UNC5D: variants seen among roughly 807,000 people sequenced by gnomAD.
The protein encoded by UNC5D is netrin receptor UNC5D.
UNC5D carries 39 observed loss-of-function variants against 105.4 expected under a neutral mutation model. That is an observed-to-expected ratio of 0.37 (90% CI 0.29 to 0.48). The LOEUF is 0.48. UNC5D is among the 20% of genes least tolerant of loss of function. The pLI is 0.98. For missense variants in UNC5D, 991 were observed against 1,202.4 expected, an observed-to-expected ratio of 0.82 and a Z score of 2.60; for synonymous variants, 452 against 450.4, an observed-to-expected ratio of 1.00 and a Z score of -0.04.
chr8:35,460,658 A>G (rs1403016223), intron 1 of UNC5D, among the ~76,000 whole-genome samples: 1 of 152,258 alleles, frequency 6.6e-6, no homozygotes, highest in African/African-American at 2.4e-5. Context: ...TTAGAGCATG[A>G]TGCAGAGTTC....
At chr8:35,625,326 T>C (rs1821643274) in intron 4 of UNC5D, among the ~76,000 whole-genome samples, 1 of 152,236 alleles carries the variant, frequency 6.6e-6, no homozygotes, top group African/African-American at 2.4e-5. Flanking sequence ...CTCGATGTTC[T>C]GGTGGATATC....
intron 4 of UNC5D, among the ~76,000 whole-genome samples, chr8:35,669,471 TAAATC>T (rs1824633199): frequency 6.6e-6 from 1 of 152,142 alleles, no homozygotes; most frequent in African/African-American, 2.4e-5. Flanking sequence ...CCCGTCTCCT[TAAATC>T]TAATAGCAAG....
At chr8:35,474,558 C>G in intron 1 of UNC5D, among the ~76,000 whole-genome samples, 1 of 152,120 alleles carries the variant, frequency 6.6e-6, no homozygotes, top group East Asian at 1.9e-4. Flanking sequence ...ATTCCATAAA[C>G]TTCTCTATTT....
rs1419675135 is a variant in UNC5D at position 35,528,049 on chromosome 8, T to TG, written c.104-21243_104-21242insG. Among the ~76,000 whole-genome samples, 4 of 139,858 alleles carry TG rather than the reference T, an allele frequency of 2.9e-5. No individual in the cohort carries two copies. The East Asian group carries it at 7.8e-4, about 27-fold the overall frequency. 91.8% of individuals were successfully genotyped at this position (139,858 alleles called of 152,430 possible). On this transcript the variant is annotated intron_variant, in intron 1 of 16. Transcript: ENST00000404895. ...TTCTAGAAACAGCTGGTTTTTTTTTTTTTTTTTTTTTTATACTTTAAGTTT... is the reference window on the plus strand; with the variant it reads ...TTCTAGAAACAGCTGGTTTTTTTTTTGTTTTTTTTTTTTATACTTTAAGTTT...
At chr8:35,486,786 A>G (rs1208868132) in intron 1 of UNC5D, among the ~76,000 whole-genome samples, 1 of 152,194 alleles carries the variant, frequency 6.6e-6, no homozygotes, top group Non-Finnish European at 1.5e-5. Flanking sequence ...CCTAAGGAAA[A>G]GTTATTTGGA....
intron 2 of UNC5D, among the ~76,000 whole-genome samples, chr8:35,550,926 C>T (rs578218307): frequency 2.6e-5 from 4 of 152,224 alleles, no homozygotes; most frequent in African/African-American, 7.2e-5. Flanking sequence ...TTCAGCAAAA[C>T]GTTTGGTTTT....
intron 4 of UNC5D, among the ~76,000 whole-genome samples, chr8:35,638,141 A>G (rs1355683444): frequency 1.3e-5 from 2 of 152,196 alleles, no homozygotes; most frequent in Non-Finnish European, 2.9e-5. Flanking sequence ...AAAATTCACA[A>G]TAGTGAAAGA....
chr8:35,268,415 C>A (rs1330678525), intron 1 of UNC5D, among the ~76,000 whole-genome samples: 1 of 152,126 alleles, frequency 6.6e-6, no homozygotes, highest in African/African-American at 2.4e-5. Flanking sequence ...AAAGCCATTA[C>A]AACCTAGTAC....
chr8:35,299,234 A>C (rs1563291814), intron 1 of UNC5D, among the ~76,000 whole-genome samples: 1 of 152,194 alleles, frequency 6.6e-6, no homozygotes, highest in East Asian at 1.9e-4. Flanking sequence ...GTGGAATTGC[A>C]AGCAAAGCAA....
intron 1 of UNC5D, among the ~76,000 whole-genome samples, chr8:35,333,479 G>A (rs1810787630): frequency 6.6e-6 from 1 of 151,998 alleles, no homozygotes; most frequent in African/African-American, 2.4e-5. Context: ...AGGTTTCTCG[G>A]AAGTAGGAGA....
chr8:35,407,935 A>G (rs1290481269), intron 1 of UNC5D, among the ~76,000 whole-genome samples: 1 of 152,016 alleles, frequency 6.6e-6, no homozygotes, highest in South Asian at 2.1e-4. Flanking sequence ...TATCCAGTCT[A>G]TCCACATTTT....
intron 3 of UNC5D, among the ~76,000 whole-genome samples, chr8:35,582,224 C>G (rs1182581847): frequency 6.6e-6 from 1 of 152,112 alleles, no homozygotes; most frequent in Non-Finnish European, 1.5e-5. Context: ...GTGGCTCTTG[C>G]AGCCACAGTG....
chr8:35,422,980 G>C (rs899126156), intron 1 of UNC5D, among the ~76,000 whole-genome samples: 8 of 152,186 alleles, frequency 5.3e-5, no homozygotes, highest in African/African-American at 1.9e-4. Flanking sequence ...TCAGTGACTT[G>C]CCTCAGGTTA....
chr8:35,287,942 G>A (rs781034652), intron 1 of UNC5D, among the ~76,000 whole-genome samples: 9 of 152,110 alleles, frequency 5.9e-5, no homozygotes, highest in Admixed American at 6.6e-5. Flanking sequence ...ATATAAAAGA[G>A]TGAAGAAGGC....
intron 7 of UNC5D, among the ~76,000 whole-genome samples, chr8:35,697,531 C>T (rs1826874521): frequency 6.6e-6 from 1 of 152,012 alleles, no homozygotes; most frequent in Non-Finnish European, 1.5e-5. Context: ...CAAATCCAGC[C>T]TCTTTAGCAT....
intron 4 of UNC5D, among the ~76,000 whole-genome samples, chr8:35,670,984 A>G (rs1031086539): frequency 1.3e-4 from 9 of 69,310 alleles, no homozygotes; most frequent in Non-Finnish European, 3.0e-4. Flanking sequence ...GTGGTTCAAG[A>G]TGAGAAATAA....
At chr8:35,544,862 C>A (rs1482219731) in intron 1 of UNC5D, among the ~76,000 whole-genome samples, 1 of 152,100 alleles carries the variant, frequency 6.6e-6, no homozygotes, top group Non-Finnish European at 1.5e-5. Flanking sequence ...CTCTGCCTCC[C>A]AGAGTGCTGG....
intron 1 of UNC5D, among the ~76,000 whole-genome samples, chr8:35,257,136 T>A (rs534466271): frequency 6.6e-6 from 1 of 152,138 alleles, no homozygotes; most frequent in South Asian, 2.1e-4. Flanking sequence ...CACGCCCAGC[T>A]AATTTTTTTA....
chr8:35,676,847 G>T (rs1825264436), intron 4 of UNC5D, among the ~76,000 whole-genome samples: 1 of 151,782 alleles, frequency 6.6e-6, no homozygotes, highest in African/African-American at 2.4e-5. Context: ...TCGGAAGTCT[G>T]GTGTATTGTG....
Sources: allele counts gnomAD v4.1 joint callset (sites outside exome capture counted in the v4.1 genomes callset), GRCh38; gene constraint gnomAD v4.1.1; transcripts MANE v1.5; gene names NCBI Gene and HGNC (gene_info 2026-07-23, HGNC 2026-07-21).